The following NGF variants were observed in gnomAD, a reference collection of about 807,000 sequenced individuals.
NGF encodes nerve growth factor.
Under a neutral mutation model 12.8 loss-of-function variants are expected in NGF, and 4 were observed. The observed-to-expected ratio is 0.31, with a 90% CI of 0.15 to 0.72. The LOEUF is 0.72. Ranked by LOEUF, NGF falls within the 30% of genes least tolerant of loss-of-function variation. The probability of loss-of-function intolerance (pLI) is 0.69; values close to 1 mark genes in which losing one functional copy is unlikely to be tolerated. For synonymous variants in NGF, 140 were observed against 130.0 expected, an observed-to-expected ratio of 1.08 and a Z score of -0.52; for missense variants, 283 against 330.8, an observed-to-expected ratio of 0.86 and a Z score of 1.12.
intron 1 of NGF, among the ~76,000 whole-genome samples, chr1:115,318,294 GACTGCCC>G (rs1180110655): frequency 6.6e-6 from 1 of 152,194 alleles, no homozygotes; most frequent in Non-Finnish European, 1.5e-5. Context: ...CTTTAATGGT[GACTGCCC>G]ACAGTCCCTC....
chr1:115,287,273 G>A (rs6331), intron 2 of NGF, among the ~76,000 whole-genome samples: 2,302 of 152,242 alleles, frequency 0.015, 53 homozygotes, highest in African/African-American at 0.053. Context: ...GGGAAGGCAC[G>A]GGGAAGATCT....
chr1:115,316,742 AC>A (rs1386367546), intron 1 of NGF, among the ~76,000 whole-genome samples: 7 of 152,340 alleles, frequency 4.6e-5, no homozygotes, highest in African/African-American at 1.7e-4. Context: ...TAAAATTTAG[AC>A]CAATTGAAAT....
intron 1 of NGF, among the ~76,000 whole-genome samples, 173 bp from the exon 2 acceptor site, chr1:115,293,923 T>G (rs11466093): frequency 0.042 from 6,389 of 152,258 alleles, 164 homozygotes; most frequent in Middle Eastern, 0.065. Context: ...TACCGGAGCT[T>G]GGCCTCTCAT....
intron 2 of NGF, among the ~76,000 whole-genome samples, chr1:115,288,806 AGAAT>A (rs1394704154): frequency 1.3e-5 from 2 of 152,248 alleles, no homozygotes; most frequent in Non-Finnish European, 2.9e-5. Flanking sequence ...AATGAAAGAA[AGAAT>A]GAATGAGAGT....
chr1:115,297,381 A>G (rs1653903848), intron 1 of NGF, among the ~76,000 whole-genome samples: 1 of 152,066 alleles, frequency 6.6e-6, no homozygotes, highest in African/African-American at 2.4e-5. Context: ...TTTCCATATA[A>G]CAGCCAAAGT....
intron 1 of NGF, among the ~76,000 whole-genome samples, chr1:115,337,775 C>A (rs990191091): frequency 2.6e-5 from 4 of 152,046 alleles, no homozygotes; most frequent in Admixed American, 6.5e-5. Flanking sequence ...TGCGCTCCCC[C>A]CGCGGTGCTG....
chr1:115,301,742 T>C (rs1654043934), intron 1 of NGF, among the ~76,000 whole-genome samples: 1 of 152,232 alleles, frequency 6.6e-6, no homozygotes, highest in African/African-American at 2.4e-5. Context: ...CTGAAACGTT[T>C]GTTTTTGAAA....
intron 1 of NGF, among the ~76,000 whole-genome samples, chr1:115,299,546 A>G (rs1295504751): frequency 6.6e-6 from 1 of 152,172 alleles, no homozygotes; most frequent in African/African-American, 2.4e-5. Context: ...GGTAATTACA[A>G]CAACATTAAT....
At chr1:115,312,939 C>G (rs548806528) in intron 1 of NGF, among the ~76,000 whole-genome samples, 2 of 152,246 alleles carry the variant, frequency 1.3e-5, no homozygotes, top group South Asian at 4.2e-4. Flanking sequence ...ACTTATTTCA[C>G]CATGGAAACA....
At chr1:115,326,605 A>G (rs1468614266) in intron 1 of NGF, among the ~76,000 whole-genome samples, 2 of 152,132 alleles carry the variant, frequency 1.3e-5, no homozygotes, top group Non-Finnish European at 1.5e-5. Flanking sequence ...GTTCCGCTCA[A>G]TGCCTGGCAC....
At chr1:115,331,511 TAAG>T (rs1272140574) in intron 1 of NGF, among the ~76,000 whole-genome samples, 1 of 152,228 alleles carries the variant, frequency 6.6e-6, no homozygotes, top group Non-Finnish European at 1.5e-5. Context: ...TTAATTCACA[TAAG>T]AAGATTAAAA....
At chr1:115,337,572 C>A (rs564082601) in intron 1 of NGF, among the ~76,000 whole-genome samples, 1 of 152,050 alleles carries the variant, frequency 6.6e-6, no homozygotes, top group Non-Finnish European at 1.5e-5. Flanking sequence ...GGCCCCGGTA[C>A]GCCGGACGGA....
At chr1:115,337,084 C>T (rs1655127331) in intron 1 of NGF, among the ~76,000 whole-genome samples, 1 of 152,098 alleles carries the variant, frequency 6.6e-6, no homozygotes, top group African/African-American at 2.4e-5. Context: ...CTGTAATACA[C>T]TTTAATGCAT....
At chr1:115,337,288 T>TG (rs1655152187) in intron 1 of NGF, among the ~76,000 whole-genome samples, 1 of 133,166 alleles carries the variant, frequency 7.5e-6, no homozygotes, top group Non-Finnish European at 1.6e-5. Flanking sequence ...TTTTTTTTTT[T>TG]TTTTTTTTTT....
At chr1:115,307,851 T>G (rs1415995563) in intron 1 of NGF, among the ~76,000 whole-genome samples, 1 of 152,236 alleles carries the variant, frequency 6.6e-6, no homozygotes, top group Non-Finnish European at 1.5e-5. Context: ...CAAAAGTCCT[T>G]CATTGCAGGG....
At chr1:115,321,909 T>G (rs1047604069) in intron 1 of NGF, among the ~76,000 whole-genome samples, 1 of 152,138 alleles carries the variant, frequency 6.6e-6, no homozygotes, top group African/African-American at 2.4e-5. Context: ...CCCAGAGTAG[T>G]GCATGCACAC....
At position 115,286,123 on chromosome 1, in the gene NGF, T is replaced by TCCGGATAAA. The variant is rs1343171048; in HGVS notation, c.664_672dup (p.Phe222_Arg224dup). On this transcript the variant is annotated inframe_insertion, in exon 3 of 3. Transcript: ENST00000369512. ...AGCACACACACACAGGCCGTATCTA[T>TCCGGATAAA]CCGGATAAACCGCCAGGCAGCCTGC... 6.2e-7 allele frequency: 1 copy of TCCGGATAAA among 1,613,694 alleles called. No homozygotes were observed.
chr1:115,305,520 G>A (rs1488205811), intron 1 of NGF, among the ~76,000 whole-genome samples: 1 of 152,140 alleles, frequency 6.6e-6, no homozygotes, highest in East Asian at 1.9e-4. Flanking sequence ...TGTATAGGTG[G>A]GATTCTGTGC....
chr1:115,336,024 C>T (rs978541874), intron 1 of NGF, among the ~76,000 whole-genome samples: 3 of 152,162 alleles, frequency 2.0e-5, no homozygotes, highest in Non-Finnish European at 4.4e-5. Context: ...CCTTCTTGTC[C>T]AAGGCACAGA....
Sources: gnomAD v4.1 joint callset for allele counts (sites outside exome capture counted in the v4.1 genomes callset) on GRCh38, gnomAD v4.1.1 for gene constraint, MANE v1.5 for transcripts, NCBI Gene and HGNC (gene_info 2026-07-23, HGNC 2026-07-21) for gene names.